The following SLC25A37 variants were observed in gnomAD, a reference collection of about 807,000 sequenced individuals.
SLC25A37 encodes mitoferrin-1.
In SLC25A37, 17 loss-of-function variants were observed where a neutral mutation model predicts 31.0. The observed-to-expected ratio is 0.55, with a 90% confidence interval of 0.38 to 0.82. The LOEUF (loss-of-function observed/expected upper bound fraction) is 0.82. SLC25A37 is among the 40% of genes least tolerant of loss of function. The pLI is 0.00. For missense variants in SLC25A37, 404 were observed against 465.8 expected (o/e 0.87, Z 1.22); for synonymous variants, 222 against 193.0 (o/e 1.15, Z -1.24).
chr8:23,556,878 T>C (rs1224295961), intron 1 of SLC25A37, among the ~76,000 whole-genome samples: 1 of 152,062 alleles, frequency 6.6e-6, no homozygotes, highest in East Asian at 1.9e-4. Flanking sequence ...TGAGACAGAT[T>C]CTCGCTCTGT....
chr8:23,538,523 GTGTGTGTGTGTGTGTGTGTGTGTT>G (rs922167610), intron 1 of SLC25A37, among the ~76,000 whole-genome samples: 3 of 103,558 alleles, frequency 2.9e-5, no homozygotes, highest in African/African-American at 2.4e-4. Flanking sequence ...GTTGTTTGTC[GTGTGTGTGTGTGTGTGTGTGTGTT>G]TGTGTGTGTG....
chr8:23,571,729 C>T lies in SLC25A37; in HGVS notation c.891C>T (p.Gly297=), dbSNP rs1436467560. 1 of 1,613,928 alleles carries T rather than the reference C, an allele frequency of 6.2e-7. No homozygotes were observed. The highest frequency in any genetic ancestry group is 8.5e-7 in the Non-Finnish European group (1 of 1,179,918). Residue 297 remains glycine (G), a synonymous_variant, in exon 4 of 4, where the codon GGC becomes GGT. Transcript: ENST00000519973. The part of the protein sequence containing the change: ...RTVYQLNGLA[G]YFKGIQARVI... Reference sequence around the variant, plus strand: ...TGTACCAGCTCAACGGCCTGGCCGGCTACTTCAAAGGCATCCAGGCGCGTG... The same window carrying T: ...TGTACCAGCTCAACGGCCTGGCCGGTTACTTCAAAGGCATCCAGGCGCGTG...
intron 1 of SLC25A37, among the ~76,000 whole-genome samples, chr8:23,542,395 T>TTTTTTTG (rs1801918128): frequency 1.3e-5 from 2 of 150,342 alleles, no homozygotes; most frequent in Non-Finnish European, 3.0e-5. Context: ...TTTTTTTTTT[T>TTTTTTTG]GAGATGGAGT....
intron 1 of SLC25A37, among the ~76,000 whole-genome samples, chr8:23,538,237 T>C (rs1456258349): frequency 1.3e-5 from 2 of 151,492 alleles, no homozygotes; most frequent in African/African-American, 2.4e-5. Context: ...AAAAATTAGC[T>C]GGGCGTGGTG....
At chr8:23,569,088 A>AC (rs1327904589) in intron 3 of SLC25A37, 3 of 152,168 alleles carry the variant, frequency 2.0e-5, no homozygotes, top group African/African-American at 7.3e-5. Context: ...GCATAATGAG[A>AC]CCCCGTCTCT....
chr8:23,555,149 TC>T, intron 1 of SLC25A37, among the ~76,000 whole-genome samples: 1 of 152,148 alleles, frequency 6.6e-6, no homozygotes, highest in East Asian at 1.9e-4. Flanking sequence ...CGGCCACAGG[TC>T]CTCATTCCCC....
In SLC25A37 at chr8:23,571,935, A is replaced by AT. The variant is rs59804560; in HGVS notation, c.*90dup. 439,606 of 1,305,898 alleles carry AT rather than the reference A, an allele frequency of 0.34. 37,364 individuals are homozygous for AT. The highest frequency in any genetic ancestry group is 0.35 in the Non-Finnish European group (335,899 of 963,366). The allele number at this position is 1,305,898 out of a possible 1,614,324, so 80.9% of individuals were successfully genotyped here. On this transcript the variant is annotated 3_prime_UTR_variant, in exon 4 of 4. Coordinates refer to ENST00000519973, the MANE Select transcript of SLC25A37 (RefSeq NM_016612.4). ...CTTGCCCTCTCCTCACACGTAGATC[A>AT]TTTTTTTTTTGCAGGGTGCTGCCTA... is the stretch of plus-strand genomic sequence containing the variant.
chr8:23,544,838 C>T (rs778103633), intron 1 of SLC25A37, among the ~76,000 whole-genome samples: 16 of 152,266 alleles, frequency 1.1e-4, no homozygotes, highest in Middle Eastern at 3.4e-3. Context: ...GGCAGCTCTT[C>T]TCCTCTCTGT....
At chr8:23,556,933 C>A (rs1802383166) in intron 1 of SLC25A37, among the ~76,000 whole-genome samples, 1 of 152,142 alleles carries the variant, frequency 6.6e-6, no homozygotes, top group African/African-American at 2.4e-5. Flanking sequence ...TCACTGCAAC[C>A]TCCACCTCCT....
At position 23,566,090 on chromosome 8, in the gene SLC25A37, C is replaced by A. The variant is rs750342820; in HGVS notation, c.211-18C>A. 2.6e-6 allele frequency: 4 copies of A among 1,557,732 alleles called. No homozygotes were observed. In the East Asian group the frequency reaches 9.6e-5, roughly 37 times the overall value. ...TTAACTCTATTTTTGTTTGTTTTCT[C>A]TTCTTGCCCGCTCCCAGACACGAAT... On this transcript the variant is annotated intron_variant, in intron 1 of 3. Transcript: ENST00000519973.
intron 1 of SLC25A37, 63 bp from the exon 2 acceptor site, chr8:23,566,045 T>G (rs1467537261): frequency 6.6e-7 from 1 of 1,506,162 alleles, no homozygotes; most frequent in Non-Finnish European, 8.8e-7. Context: ...AGGTCTTATT[T>G]TCCTTCTTTA....
intron 2 of SLC25A37, 117 bp downstream of exon 2, chr8:23,566,453 A>C (rs1802660224): frequency 2.0e-6 from 3 of 1,487,390 alleles, no homozygotes; most frequent in Admixed American, 6.1e-5. Context: ...CTCACGAATA[A>C]AGAACTCAGA....
chr8:23,543,663 T>G (rs983889590), intron 1 of SLC25A37, among the ~76,000 whole-genome samples: 2 of 152,156 alleles, frequency 1.3e-5, no homozygotes, highest in Admixed American at 1.3e-4. Flanking sequence ...GCTTCCCGAG[T>G]TGCTGGGACT....
chr8:23,567,936 T>A lies in SLC25A37; in HGVS notation c.440-386T>A, dbSNP rs184178000. On this transcript the variant is annotated intron_variant, in intron 2 of 3. Transcript: ENST00000519973. Reference sequence around the variant, plus strand: ...GATATCTCCTTTCAGGGCCCCAGCTTAAGGGCAAAGTGAGTTAATGTGTAG... The same window carrying A: ...GATATCTCCTTTCAGGGCCCCAGCTAAAGGGCAAAGTGAGTTAATGTGTAG... 4.1e-3 allele frequency: 1,105 copies of A among 270,186 alleles called. 7 individuals carry two copies. Among genetic ancestry groups the A allele is most frequent in the Non-Finnish European group, 5.9e-3 (803 of 135,098 alleles). The allele number at this position is 270,186 out of a possible 1,614,324, so 16.7% of individuals were successfully genotyped here.
intron 1 of SLC25A37, among the ~76,000 whole-genome samples, chr8:23,564,052 CT>C (rs1802585537): frequency 6.6e-6 from 1 of 151,854 alleles, no homozygotes; most frequent in African/African-American, 2.4e-5. Flanking sequence ...GTCTTCCTTA[CT>C]TTTTTTTAAG....
At chr8:23,534,957 G>A (rs1200470731) in intron 1 of SLC25A37, among the ~76,000 whole-genome samples, 1 of 152,068 alleles carries the variant, frequency 6.6e-6, no homozygotes, top group Non-Finnish European at 1.5e-5. Flanking sequence ...TCACCCTGAG[G>A]ATGGCCCCTC....
chr8:23,571,259 C>T (rs1271163764), intron 3 of SLC25A37, 76 bp from the exon 4 acceptor site: 2 of 1,445,374 alleles, frequency 1.4e-6, no homozygotes, highest in South Asian at 2.9e-5. Context: ...GGCTTCATTC[C>T]GACCTGGGGT....
Position 23,573,918 on chromosome 8 carries a change from GCTCT to G in SLC25A37, c.*2065_*2068del, listed in dbSNP as rs1563272363. On this transcript the variant is annotated 3_prime_UTR_variant, in exon 4 of 4. Coordinates refer to ENST00000519973, the MANE Select transcript of SLC25A37 (RefSeq NM_016612.4). Reference sequence around the variant, plus strand: ...TACTGTTGAAAATGTTTACATCTCCGCTCTCAACCTGCCTTGGGTTCGTGTTAAA... The same window carrying G: ...TACTGTTGAAAATGTTTACATCTCCGCAACCTGCCTTGGGTTCGTGTTAAA... The G allele has an allele frequency of 2.2e-6, 1 of 449,236 alleles. No individual in the cohort carries two copies. Among genetic ancestry groups the G allele is most frequent in the African/African-American group, 2.0e-5 (1 of 49,944 alleles). 27.8% of individuals were successfully genotyped at this position (449,236 alleles called of 1,614,324 possible).
At chr8:23,569,427 A>T (rs977582181) in intron 3 of SLC25A37, among the ~76,000 whole-genome samples, 2 of 151,270 alleles carry the variant, frequency 1.3e-5, no homozygotes, top group East Asian at 2.0e-4. Flanking sequence ...ACACACACAC[A>T]CTCACTCTCT....
Sources: allele counts gnomAD v4.1 joint callset (sites outside exome capture counted in the v4.1 genomes callset), GRCh38; gene constraint gnomAD v4.1.1; transcripts MANE v1.5; gene names NCBI Gene and HGNC (gene_info 2026-07-23, HGNC 2026-07-21).